The following MEF2A variants were observed in gnomAD, a reference collection of about 807,000 sequenced individuals.
MEF2A encodes myocyte-specific enhancer factor 2A.
In MEF2A, 28 loss-of-function variants were observed where a neutral mutation model predicts 55.8. That is an observed-to-expected ratio of 0.50 (90% CI 0.37 to 0.69). The LOEUF (loss-of-function observed/expected upper bound fraction) is 0.69. Ranked by LOEUF, MEF2A falls within the 30% of genes least tolerant of loss-of-function variation. The pLI, the probability that MEF2A is intolerant of heterozygous loss-of-function variation, is 0.00. For missense variants in MEF2A, 528 were observed against 626.2 expected (o/e 0.84, Z 1.67); for synonymous variants, 239 against 227.1 (o/e 1.05, Z -0.47).
intron 4 of MEF2A, among the ~76,000 whole-genome samples, chr15:99,665,887 A>G (rs1316415320): frequency 2.0e-5 from 3 of 152,076 alleles, no homozygotes; most frequent in African/African-American, 7.3e-5. Context: ...CCATCATGAG[A>G]TACCATCTCA....
chr15:99,579,430 T>C (rs1965277692), intron 1 of MEF2A, among the ~76,000 whole-genome samples: 1 of 152,140 alleles, frequency 6.6e-6, no homozygotes, highest in South Asian at 2.1e-4. Flanking sequence ...AGTCTCACTC[T>C]GTCACCCAGG....
intron 1 of MEF2A, among the ~76,000 whole-genome samples, chr15:99,587,267 C>G (rs1243742942): frequency 6.6e-6 from 1 of 151,962 alleles, no homozygotes; most frequent in African/African-American, 2.4e-5. Context: ...TCCATGTGTT[C>G]TTACTGTTCA....
intron 1 of MEF2A, among the ~76,000 whole-genome samples, chr15:99,596,837 C>T (rs147329018): frequency 3.9e-5 from 6 of 152,206 alleles, no homozygotes; most frequent in African/African-American, 9.6e-5. Flanking sequence ...CTAGTTGTTG[C>T]GAGAAGTCAG....
At chr15:99,633,823 G>A (rs537048706) in intron 3 of MEF2A, among the ~76,000 whole-genome samples, 1 of 152,170 alleles carries the variant, frequency 6.6e-6, no homozygotes, top group Non-Finnish European at 1.5e-5. Flanking sequence ...CCATGGGCTG[G>A]CCATCTGTTA....
At position 99,705,304 on chromosome 15, in the gene MEF2A, C is replaced by A. The variant is rs1775217908; in HGVS notation, c.883-1425C>A. On this transcript the variant is annotated intron_variant, in intron 9 of 11. Coordinates refer to ENST00000557942, the MANE Select transcript of MEF2A (RefSeq NM_001319206.4). ...ATAAAAATATGTATCTTTTTTCCCA[C>A]CAGTTATATAGAAATTTGGGACAGA... 2.6e-5 allele frequency among the ~76,000 whole-genome samples: 4 copies of A among 152,238 alleles called. No homozygotes were observed. The South Asian group carries it at 8.3e-4, about 32-fold the overall frequency.
intron 4 of MEF2A, among the ~76,000 whole-genome samples, chr15:99,664,639 T>C (rs1303553437): frequency 2.6e-5 from 4 of 152,128 alleles, no homozygotes; most frequent in African/African-American, 9.7e-5. Context: ...ATGGAAATAA[T>C]ATATAAAATT....
intron 1 of MEF2A, among the ~76,000 whole-genome samples, chr15:99,571,135 G>T (rs1032423353): frequency 1.3e-5 from 2 of 151,062 alleles, no homozygotes; most frequent in Non-Finnish European, 2.9e-5. Flanking sequence ...AGTGAGCCGA[G>T]ATCGTGCCAC....
chr15:99,593,643 C>T (rs1970125091), intron 1 of MEF2A, among the ~76,000 whole-genome samples: 1 of 152,142 alleles, frequency 6.6e-6, no homozygotes, highest in African/African-American at 2.4e-5. Flanking sequence ...TTTTCTTTGA[C>T]ACTGCATTAT....
In MEF2A at chr15:99,675,901, G is replaced by A. The variant is rs552457488; in HGVS notation, c.670+443G>A. 5.3e-5 allele frequency among the ~76,000 whole-genome samples: 8 copies of A among 152,024 alleles called. No individual in the cohort carries two copies. The South Asian group carries it at 8.3e-4, about 16-fold the overall frequency. On this transcript the variant is annotated intron_variant, in intron 7 of 11. Transcript: ENST00000557942. ...AAAATACAAAAAAATTTAGCTGGGCGTGGCAGTGTGCACCTGTAGTCCCAG... is the reference window on the plus strand; with the variant it reads ...AAAATACAAAAAAATTTAGCTGGGCATGGCAGTGTGCACCTGTAGTCCCAG...
At chr15:99,660,906 A>G (rs1411442660) in intron 4 of MEF2A, among the ~76,000 whole-genome samples, 1 of 152,234 alleles carries the variant, frequency 6.6e-6, no homozygotes, top group Non-Finnish European at 1.5e-5. Context: ...AACTTCAACA[A>G]CTGATTCTAA....
chr15:99,709,658 G>T (rs2058401875), intron 10 of MEF2A, among the ~76,000 whole-genome samples: 1 of 152,208 alleles, frequency 6.6e-6, no homozygotes, highest in Admixed American at 6.5e-5. Context: ...AAAAGTAGAA[G>T]AGTTTTGCCA....
At chr15:99,654,810 A>G (rs926256829) in intron 4 of MEF2A, among the ~76,000 whole-genome samples, 5 of 152,180 alleles carry the variant, frequency 3.3e-5, no homozygotes, top group Admixed American at 6.5e-5. Flanking sequence ...GTGCTGTCCA[A>G]TATAGTAGCC....
At chr15:99,613,935 T>C (rs1458260783) in intron 2 of MEF2A, among the ~76,000 whole-genome samples, 1 of 152,206 alleles carries the variant, frequency 6.6e-6, no homozygotes, top group Non-Finnish European at 1.5e-5. Flanking sequence ...GTTAGATGGC[T>C]CCTTGAAGGT....
Position 99,712,478 on chromosome 15 carries a change from C to T in MEF2A, c.1225C>T (p.Arg409Trp), listed in dbSNP as rs764606745. The T allele has an allele frequency of 5.8e-6, 9 of 1,551,712 alleles. No homozygotes were observed. The highest frequency in any genetic ancestry group is 7.8e-6 in the Non-Finnish European group (9 of 1,147,002). ...CAAGTCCGAACCGATTTCACCTCCT[C>T]GGGATCGTATGACCCCATCGGGCTT... Reference protein sequence around the residue: ...SIKSEPISPPRDRMTPSGFQQ... With the variant: ...SIKSEPISPPWDRMTPSGFQQ... Residue 409 changes from arginine (R) to tryptophan (W), a missense_variant, in exon 12 of 12, where the codon CGG becomes TGG. Physicochemically the swap from Arg to Trp is moderately radical, Grantham distance 101. This residue lies in a region of MEF2A where 450 missense variants were observed against 475.3 expected (regional missense o/e 0.95). Transcript: ENST00000557942. This position sits in a 1 kb window ranked among gnomAD's most constrained non-coding sequence, Gnocchi z 4.1.
At chr15:99,586,401 C>T (rs1274064866) in intron 1 of MEF2A, among the ~76,000 whole-genome samples, 2 of 152,098 alleles carry the variant, frequency 1.3e-5, no homozygotes, top group East Asian at 1.9e-4. Flanking sequence ...ATATCCATAT[C>T]GTTTTAATCT....
chr15:99,702,589 G>A (rs924738490), intron 8 of MEF2A, among the ~76,000 whole-genome samples: 1 of 151,888 alleles, frequency 6.6e-6, no homozygotes, highest in African/African-American at 2.4e-5. Context: ...CACCGCACCT[G>A]GCTAATTTTT....
intron 8 of MEF2A, among the ~76,000 whole-genome samples, chr15:99,697,075 A>AC (rs890698338): frequency 1.2e-4 from 18 of 152,190 alleles, no homozygotes; most frequent in Admixed American, 3.9e-4. Context: ...ATCTCAATGA[A>AC]CTAGTAATAG....
At position 99,627,419 on chromosome 15, in the gene MEF2A, C is replaced by CAAAAAAAAAAAA. The variant is rs139658538; in HGVS notation, c.-142-5539_-142-5528dup. ...TGGGCGACAGAGTGAGACTTTATCT[C>CAAAAAAAAAAAA]AAAAAAAAAAAAAAAAAAAAAAAAA... On this transcript the variant is annotated intron_variant, in intron 2 of 11. Coordinates refer to ENST00000557942, the MANE Select transcript of MEF2A (RefSeq NM_001319206.4). Among the ~76,000 whole-genome samples the CAAAAAAAAAAAA allele has an allele frequency of 2.8e-4, 12 of 43,058 alleles. 1 individual carries two copies. The highest frequency in any genetic ancestry group is 1.2e-3 in the African/African-American group (11 of 9,134). The allele number at this position is 43,058 out of a possible 152,430, so 28.2% of individuals were successfully genotyped here. A position where few individuals can be genotyped will look rare whatever the true frequency, so the allele number is the denominator to read the frequency against.
At chr15:99,601,848 T>A (rs1470113306) in intron 2 of MEF2A, among the ~76,000 whole-genome samples, 29 of 49,094 alleles carry the variant, frequency 5.9e-4, no homozygotes, top group Non-Finnish European at 1.7e-3. Context: ...TGTGTGTGTG[T>A]GTGTGTGTGT....
Sources: gnomAD v4.1 joint callset for allele counts (sites outside exome capture counted in the v4.1 genomes callset) on GRCh38, gnomAD v4.1.1 for gene constraint, gnomAD v4.1.1 regional missense constraint, Gnocchi (gnomAD v3.1) non-coding constraint, MANE v1.5 for transcripts, NCBI Gene and HGNC (gene_info 2026-07-23, HGNC 2026-07-21) for gene names.